Variants in BAIAP2 observed in about 807,000 individuals in gnomAD.
BAIAP2 encodes BAR/IMD domain-containing adapter protein 2.
BAIAP2 carries 18 observed loss-of-function variants against 63.0 expected under a neutral mutation model. The ratio of observed to expected loss-of-function variants is 0.29; its 90% CI spans 0.20 to 0.42. BAIAP2 has a LOEUF of 0.42. Ranked by LOEUF, BAIAP2 falls within the 10% of genes least tolerant of loss-of-function variation. The pLI is 1.00. For synonymous variants in BAIAP2, 386 were observed against 307.6 expected (o/e 1.25, Z -2.67); for missense variants, 610 against 734.3 (o/e 0.83, Z 1.96).
At position 81,067,084 on chromosome 17, in the gene BAIAP2, G is replaced by A. The variant is rs1271289544; in HGVS notation, c.217+9117G>A. ...CGGCGCCTGCAGATGAGAGGGAAGC[G>A]AGATGCCCCTGGCCCAAGCCCAGCC... On this transcript the variant is annotated intron_variant, in intron 3 of 13. Coordinates refer to ENST00000428708, the MANE Select transcript of BAIAP2 (RefSeq NM_001144888.2). Among the ~76,000 whole-genome samples the A allele has an allele frequency of 2.0e-5, 3 of 152,244 alleles. No individual in the cohort carries two copies. The East Asian group carries it at 5.8e-4, about 29-fold the overall frequency.
chr17:81,057,569 C>T (rs2049801316), intron 2 of BAIAP2: 3 of 1,010,024 alleles, frequency 3.0e-6, no homozygotes, highest in African/African-American at 1.7e-5. Flanking sequence ...ACAACACTCC[C>T]TCCCCCCGGC....
At chr17:81,054,669 C>T (rs747957541) in intron 2 of BAIAP2, among the ~76,000 whole-genome samples, 29 of 152,170 alleles carry the variant, frequency 1.9e-4, no homozygotes, top group Non-Finnish European at 3.4e-4. Flanking sequence ...GAACGCCCTG[C>T]AGCTCCTTCT....
chr17:81,110,255 G>C (rs947649774), intron 13 of BAIAP2: 1 of 881,444 alleles, frequency 1.1e-6, no homozygotes. Context: ...CGCGGACCGC[G>C]TGACATTAAG....
At chr17:81,067,211 G>A (rs1319459160) in intron 3 of BAIAP2, among the ~76,000 whole-genome samples, 1 of 152,246 alleles carries the variant, frequency 6.6e-6, no homozygotes, top group East Asian at 1.9e-4. Flanking sequence ...CTCCGGCAGG[G>A]GTGCTCCAGA....
At chr17:81,052,596 G>A (rs182207510) in intron 1 of BAIAP2, among the ~76,000 whole-genome samples, 7 of 151,784 alleles carry the variant, frequency 4.6e-5, no homozygotes, top group Admixed American at 1.3e-4. Flanking sequence ...TCAGGGCAGG[G>A]GATGGAACAC....
intron 3 of BAIAP2, chr17:81,083,915 G>A (rs2055088220): frequency 6.6e-6 from 1 of 152,290 alleles, no homozygotes; most frequent in Admixed American, 6.5e-5. Flanking sequence ...AGCAGGTAGG[G>A]ATGCAGCAAT....
At chr17:81,065,815 C>T (rs1484823749) in intron 3 of BAIAP2, among the ~76,000 whole-genome samples, 2 of 152,224 alleles carry the variant, frequency 1.3e-5, no homozygotes, top group Admixed American at 6.5e-5. Context: ...GTGCCAGAAC[C>T]GTCTGTATGA....
chr17:81,036,787 A>G (rs1262517694), intron 1 of BAIAP2: 1 of 1,269,534 alleles, frequency 7.9e-7, no homozygotes, highest in Non-Finnish European at 1.1e-6. Flanking sequence ...GCTCTGTGGA[A>G]GCACATGTTG....
At position 81,035,328 on chromosome 17, in the gene BAIAP2, G is replaced by T; in HGVS notation, c.54+20G>T. On this transcript the variant is annotated intron_variant, in intron 1 of 13. Coordinates refer to ENST00000428708, the MANE Select transcript of BAIAP2 (RefSeq NM_001144888.2). ...TATAAGGTGAGCGCCCCCCGGCGCC[G>T]AGCTGAGCCCGCTCCGTGTGCGCCT... 7.2e-7 allele frequency: 1 copy of T among 1,398,282 alleles called. No homozygotes were observed. The highest frequency in any genetic ancestry group is 2.4e-5 in the Admixed American group (1 of 41,558). The allele number at this position is 1,398,282 out of a possible 1,614,324, so 86.6% of individuals were successfully genotyped here.
chr17:81,103,969 C>A lies in BAIAP2; in HGVS notation c.927C>A (p.Asp309Glu). ...MNGVTGPDGE[D>E]YSPWADRKAA... Reference sequence around the variant, plus strand: ...GCGTCACAGGCCCGGATGGCGAGGACTACAGCCCGTGGGCTGACCGCAAGG... The same window carrying A: ...GCGTCACAGGCCCGGATGGCGAGGAATACAGCCCGTGGGCTGACCGCAAGG... The change falls in exon 9 of 14, where the codon GAC (aspartate) becomes GAA (glutamate). Residue 309 changes from aspartate to glutamate, a missense_variant. Transcript: ENST00000428708. The A allele has an allele frequency of 6.2e-7, 1 of 1,613,094 alleles. No homozygotes were observed. Among genetic ancestry groups the A allele is most frequent in the Non-Finnish European group, 8.5e-7 (1 of 1,180,030 alleles).
intron 3 of BAIAP2, among the ~76,000 whole-genome samples, chr17:81,084,617 T>C (rs2055242384): frequency 6.6e-6 from 1 of 152,190 alleles, no homozygotes; most frequent in African/African-American, 2.4e-5. Flanking sequence ...CCAGGCGTGC[T>C]GTGCATTTGA....
chr17:81,106,844 C>A lies in BAIAP2; in HGVS notation c.1437C>A (p.Pro479=), dbSNP rs368718135. 1.2e-6 allele frequency: 2 copies of A among 1,609,686 alleles called. No individual in the cohort carries two copies. The highest frequency in any genetic ancestry group is 1.7e-5 in the Admixed American group (1 of 59,722). ...PDYGAASRAF[P]AQTASGFKQR... The stretch of plus-strand genomic sequence containing the variant: ...ACGGCGCCGCCTCCCGGGCCTTCCC[C>A]GCCCAGACGGCCAGCGGCTTCAAGC... The change falls in exon 12 of 14, where the codon CCC becomes CCA. Residue 479 remains proline, a synonymous_variant. Coordinates refer to ENST00000428708, the MANE Select transcript of BAIAP2 (RefSeq NM_001144888.2).
intron 13 of BAIAP2, among the ~76,000 whole-genome samples, chr17:81,112,536 C>T (rs1006644164): frequency 4.6e-5 from 7 of 152,240 alleles, no homozygotes; most frequent in Non-Finnish European, 8.8e-5. Context: ...CGTCCCTGGC[C>T]GCTGTCCATA....
chr17:81,063,952 T>A (rs565998407), intron 3 of BAIAP2: 1 of 152,048 alleles, frequency 6.6e-6, no homozygotes, highest in Admixed American at 6.5e-5. Context: ...GTGGAGGTGC[T>A]CAGCTCAGAC....
intron 1 of BAIAP2, among the ~76,000 whole-genome samples, chr17:81,045,289 G>A (rs2047652079): frequency 6.6e-6 from 1 of 152,212 alleles, no homozygotes; most frequent in Admixed American, 6.5e-5. Flanking sequence ...AACCCTGAAA[G>A]GGAAGCAGGG....
At chr17:81,108,381 G>A (rs147001859) in intron 12 of BAIAP2, 94 bp from the exon 13 acceptor site, 13 of 1,405,370 alleles carry the variant, frequency 9.3e-6, no homozygotes, top group South Asian at 2.4e-5. Context: ...CCTTGTCCAG[G>A]CAGGATCACC....
chr17:81,114,963 G>A lies in BAIAP2; in HGVS notation c.1536-807G>A, dbSNP rs529539371. Among the ~76,000 whole-genome samples the A allele has an allele frequency of 6.6e-5, 10 of 152,304 alleles. No homozygotes were observed. In the East Asian group the frequency reaches 1.2e-3, roughly 18 times the overall value. Reference sequence around the variant, plus strand: ...GTCCCTGCTGCGTCTTCATGTCCACGTGCCATCTGTGCTGTCACCCTTGGA... The same window carrying A: ...GTCCCTGCTGCGTCTTCATGTCCACATGCCATCTGTGCTGTCACCCTTGGA... On this transcript the variant is annotated intron_variant, in intron 13 of 13. Transcript: ENST00000428708.
At chr17:81,040,131 T>C (rs1186988385) in intron 1 of BAIAP2, among the ~76,000 whole-genome samples, 2 of 152,210 alleles carry the variant, frequency 1.3e-5, no homozygotes, top group Non-Finnish European at 2.9e-5. Context: ...GGGGTGCCAC[T>C]GACTGCTGGT....
At chr17:81,070,483 C>T (rs1306298969) in intron 3 of BAIAP2, among the ~76,000 whole-genome samples, 16 of 152,186 alleles carry the variant, frequency 1.1e-4, no homozygotes, top group South Asian at 2.1e-4. Flanking sequence ...TCCTTGCGGA[C>T]ACTGGGCAAA....
Sources: allele counts gnomAD v4.1 joint callset (sites outside exome capture counted in the v4.1 genomes callset), GRCh38; gene constraint gnomAD v4.1.1; transcripts MANE v1.5; gene names NCBI Gene and HGNC (gene_info 2026-07-23, HGNC 2026-07-21).